GSE1: variants seen among roughly 807,000 people sequenced by gnomAD.
GSE1 encodes Gse1 coiled-coil protein.
GSE1 carries 32 observed loss-of-function variants against 112.6 expected under a neutral mutation model. That is an observed-to-expected ratio of 0.28 (90% CI 0.21 to 0.38). The LOEUF (loss-of-function observed/expected upper bound fraction) is 0.38, where lower values mean the gene tolerates loss of function less well. GSE1 is among the 10% of genes least tolerant of loss of function. The pLI, the probability that GSE1 is intolerant of heterozygous loss-of-function variation, is 1.00. For synonymous variants in GSE1, 1,115 were observed against 735.6 expected (o/e 1.52, Z -8.35); for missense variants, 2,348 against 1,699.2 (o/e 1.38, Z -6.71).
intron 1 of GSE1, among the ~76,000 whole-genome samples, chr16:85,318,821 G>A (rs527275449): frequency 7.7e-4 from 118 of 152,294 alleles, no homozygotes; most frequent in Admixed American, 1.8e-3. Flanking sequence ...ACACAGGGTC[G>A]GGGAGACCTC....
At chr16:85,495,105 G>A (rs188798911) in intron 2 of GSE1, among the ~76,000 whole-genome samples, 6 of 152,298 alleles carry the variant, frequency 3.9e-5, no homozygotes, top group Admixed American at 1.3e-4. Flanking sequence ...ATTATTTAAC[G>A]TGTGGTTATT....
At chr16:85,403,026 C>T (rs910195080) in intron 2 of GSE1, among the ~76,000 whole-genome samples, 1 of 152,098 alleles carries the variant, frequency 6.6e-6, no homozygotes, top group African/African-American at 2.4e-5. Context: ...TCCTGGGTAT[C>T]AGCCTTCCCC....
At chr16:85,623,925 C>G (rs928574175) in intron 1 of GSE1, among the ~76,000 whole-genome samples, 3 of 152,106 alleles carry the variant, frequency 2.0e-5, no homozygotes, top group Non-Finnish European at 2.9e-5. Context: ...GACTAAGGGC[C>G]CTGTAGATAG....
chr16:85,663,516 A>G lies in GSE1; in HGVS notation c.2546A>G (p.Tyr849Cys), dbSNP rs1026561724. 5 of 1,613,832 alleles carry G rather than the reference A, an allele frequency of 3.1e-6. No homozygotes were observed. Among genetic ancestry groups the G allele is most frequent in the African/African-American group, 1.3e-5 (1 of 74,878 alleles). The change falls in exon 11 of 16, where the codon TAC becomes TGC. Residue 849 changes from tyrosine to cysteine, a missense_variant. Transcript: ENST00000253458. ...PSPRLALSTR[Y>C]SPDEMNNSPN... ...CCGAGACTGGCGCTGTCTACCCGCT[A>G]CAGCCCTGATGAGATGAACAACAGT... is the stretch of plus-strand genomic sequence containing the variant.
rs576160453 is a variant in GSE1 at position 85,526,274 on chromosome 16, G to A, written c.2465-107640G>A. 2.0e-5 allele frequency among the ~76,000 whole-genome samples: 3 copies of A among 152,378 alleles called. No homozygotes were observed. In the East Asian group the frequency reaches 5.8e-4, roughly 29 times the overall value. On this transcript the variant is annotated intron_variant, in intron 2 of 2. Coordinates refer to the GSE1 transcript ENST00000637419. ...CCTCTCCACAGTCCCTCAACATAGG[G>A]ACTCGCTGTTCCCTTTTGCCAGCTG...
At chr16:85,376,385 C>A (rs955002312) in intron 2 of GSE1, among the ~76,000 whole-genome samples, 1 of 152,248 alleles carries the variant, frequency 6.6e-6, no homozygotes, top group Non-Finnish European at 1.5e-5. Context: ...TGGAACCCTG[C>A]CCTTCTGCTC....
chr16:85,548,814 G>T (rs756972204), intron 2 of GSE1, among the ~76,000 whole-genome samples: 9 of 151,850 alleles, frequency 5.9e-5, no homozygotes, highest in Non-Finnish European at 1.3e-4. Flanking sequence ...TGTTGGAGAC[G>T]GAGTCTCACT....
chr16:85,398,260 G>T (rs2151663263), intron 2 of GSE1, among the ~76,000 whole-genome samples: 1 of 152,342 alleles, frequency 6.6e-6, no homozygotes, highest in East Asian at 1.9e-4. Context: ...CTTTGGGGAA[G>T]TGGAGAAGGA....
intron 2 of GSE1, among the ~76,000 whole-genome samples, chr16:85,462,644 G>C (rs1035110885): frequency 2.7e-5 from 4 of 147,774 alleles, no homozygotes; most frequent in Non-Finnish European, 6.0e-5. Context: ...TCAAGTGCAG[G>C]GGAGCGGAGG....
intron 1 of GSE1, among the ~76,000 whole-genome samples, chr16:85,193,870 G>C (rs2074875771): frequency 6.6e-6 from 1 of 152,174 alleles, no homozygotes; most frequent in South Asian, 2.1e-4. Context: ...TAACCTTTTG[G>C]GTAACTATAG....
chr16:85,555,675 G>T, upstream of GSE1: 1 of 344,312 alleles, frequency 2.9e-6, no homozygotes, highest in Non-Finnish European at 3.5e-6. Flanking sequence ...CCCTCCCGCC[G>T]CCCCCCCCTT....
At chr16:85,477,762 A>C (rs889595844) in intron 2 of GSE1, among the ~76,000 whole-genome samples, 1 of 151,722 alleles carries the variant, frequency 6.6e-6, no homozygotes, top group Non-Finnish European at 1.5e-5. Context: ...GGGTTTCACT[A>C]TGCTGGCCAG....
chr16:85,421,715 G>T (rs1552266), intron 2 of GSE1, among the ~76,000 whole-genome samples: 90,505 of 151,666 alleles, frequency 0.6, 27,550 homozygotes, highest in Middle Eastern at 0.74. Flanking sequence ...CCCTTCCCTC[G>T]GGGAACCAAG....
intron 1 of GSE1, among the ~76,000 whole-genome samples, chr16:85,567,507 G>A (rs554549201): frequency 6.6e-6 from 1 of 152,144 alleles, no homozygotes; most frequent in African/African-American, 2.4e-5. Flanking sequence ...GGCTCTCAAC[G>A]CTGGGACGCC....
At chr16:85,512,623 A>G (rs1375698765) in intron 2 of GSE1, among the ~76,000 whole-genome samples, 1 of 152,138 alleles carries the variant, frequency 6.6e-6, no homozygotes, top group Admixed American at 6.5e-5. Flanking sequence ...TACTTTGAGT[A>G]GCTGTAAGAG....
chr16:85,367,095 C>T (rs2047200800), intron 2 of GSE1, among the ~76,000 whole-genome samples: 1 of 152,260 alleles, frequency 6.6e-6, no homozygotes, highest in African/African-American at 2.4e-5. Flanking sequence ...CTTCATTCCC[C>T]TGACCGGTCC....
chr16:85,294,860 G>A (rs1171656587), intron 1 of GSE1, among the ~76,000 whole-genome samples: 1 of 152,086 alleles, frequency 6.6e-6, no homozygotes, highest in African/African-American at 2.4e-5. Context: ...CCATTTGAAA[G>A]TGTACAGTTT....
chr16:85,595,737 C>T (rs1027146876), intron 1 of GSE1: 16 of 151,650 alleles, frequency 1.1e-4, no homozygotes, highest in African/African-American at 3.6e-4. Context: ...TCTCTCTATC[C>T]CCACACCCAG....
intron 2 of GSE1, among the ~76,000 whole-genome samples, chr16:85,364,070 G>A (rs2047136411): frequency 6.6e-6 from 1 of 152,244 alleles, no homozygotes. Context: ...TCAGAAGTCT[G>A]ACGTTAGTCT....
Sources: gnomAD v4.1 joint callset for allele counts (sites outside exome capture counted in the v4.1 genomes callset) on GRCh38, gnomAD v4.1.1 for gene constraint, MANE v1.5 for transcripts, NCBI Gene and HGNC (gene_info 2026-07-23, HGNC 2026-07-21) for gene names.